The following NEK11 variants were observed in gnomAD, a reference collection of about 807,000 sequenced individuals.
The protein encoded by NEK11 is serine/threonine-protein kinase Nek11.
A neutral mutation model predicts 80.7 loss-of-function variants in NEK11; 72 were observed. The ratio of observed to expected loss-of-function variants is 0.89; its 90% confidence interval spans 0.74 to 1.08. The LOEUF is 1.08. NEK11 is among the 50% of genes least tolerant of loss of function. The probability of loss-of-function intolerance (pLI) is 0.00; values close to 1 mark genes in which losing one functional copy is unlikely to be tolerated. For missense variants in NEK11, 764 were observed against 763.6 expected (o/e 1.00, Z -0.01); for synonymous variants, 251 against 260.7 (o/e 0.96, Z 0.36).
intron 4 of NEK11, among the ~76,000 whole-genome samples, chr3:131,105,223 AAAAC>A (rs1560424029): frequency 6.8e-6 from 1 of 147,104 alleles, no homozygotes; most frequent in Non-Finnish European, 1.5e-5. Flanking sequence ...AGGTAAAAAC[AAAAC>A]AAACAAACAA....
intron 3 of NEK11, among the ~76,000 whole-genome samples, chr3:131,076,615 G>A (rs542658643): frequency 2.0e-5 from 3 of 152,152 alleles, no homozygotes; most frequent in Admixed American, 1.3e-4. Flanking sequence ...AAAGTTACTC[G>A]TTTGTCTAAG....
intron 11 of NEK11, among the ~76,000 whole-genome samples, chr3:131,164,825 A>G (rs1249617719): frequency 1.3e-5 from 2 of 152,236 alleles, no homozygotes; most frequent in African/African-American, 4.8e-5. Flanking sequence ...TACCCGTTTT[A>G]GAGACAAGGG....
intron 5 of NEK11, among the ~76,000 whole-genome samples, chr3:131,125,460 A>G (rs1485348371): frequency 6.6e-6 from 1 of 152,174 alleles, no homozygotes; most frequent in East Asian, 1.9e-4. Context: ...TCATTTACTG[A>G]GAGAGATATT....
intron 16 of NEK11, among the ~76,000 whole-genome samples, chr3:131,272,463 CTTTTTTTTTTTTTT>C (rs869304359): frequency 1.6e-4 from 7 of 43,900 alleles, no homozygotes; most frequent in Middle Eastern, 0.067. Context: ...GTTTTAGCTT[CTTTTTTTTTTTTTT>C]TTTTTTTTTT....
At chr3:131,127,479 AAT>A (rs1204576689) in intron 5 of NEK11, among the ~76,000 whole-genome samples, 1 of 150,584 alleles carries the variant, frequency 6.6e-6, no homozygotes, top group Non-Finnish European at 1.5e-5. Flanking sequence ...TGCATATAAA[AAT>A]ATATATATAT....
chr3:131,186,841 A>G (rs922436367), intron 14 of NEK11, among the ~76,000 whole-genome samples: 3 of 152,270 alleles, frequency 2.0e-5, no homozygotes, highest in East Asian at 1.9e-4. Flanking sequence ...GCTTATTTTA[A>G]TGTAATCCTC....
At chr3:131,165,349 A>G (rs1388655287) in intron 11 of NEK11, 77 bp from the exon 12 acceptor site, 1 of 884,742 alleles carries the variant, frequency 1.1e-6, no homozygotes, top group Non-Finnish European at 1.8e-6. Context: ...TGAAATAAGG[A>G]TCACACTCAT....
chr3:131,112,723 A>G (rs1445656732), intron 5 of NEK11, among the ~76,000 whole-genome samples: 1 of 152,192 alleles, frequency 6.6e-6, no homozygotes, highest in Non-Finnish European at 1.5e-5. Flanking sequence ...TTCAAGTATG[A>G]TGAAAAATGG....
At chr3:131,349,482 T>C in intron 17 of NEK11, 75 bp from the exon 18 acceptor site, 4 of 1,252,826 alleles carry the variant, frequency 3.2e-6, no homozygotes, top group Non-Finnish European at 4.5e-6. Flanking sequence ...GTAAAATCAA[T>C]GATTTAAAAG....
intron 17 of NEK11, among the ~76,000 whole-genome samples, chr3:131,277,805 C>T (rs2096322968): frequency 6.6e-6 from 1 of 152,198 alleles, no homozygotes; most frequent in Non-Finnish European, 1.5e-5. Context: ...CTCTTTGGGC[C>T]TCAGATTTCT....
At chr3:131,332,776 G>A (rs1405732943) in intron 17 of NEK11, among the ~76,000 whole-genome samples, 2 of 152,208 alleles carry the variant, frequency 1.3e-5, no homozygotes, top group Non-Finnish European at 2.9e-5. Context: ...GCTTAAAGGA[G>A]CTGATGGAGC....
At chr3:131,122,365 C>T (rs2082532506) in intron 5 of NEK11, among the ~76,000 whole-genome samples, 1 of 152,166 alleles carries the variant, frequency 6.6e-6, no homozygotes, top group Non-Finnish European at 1.5e-5. Context: ...GTAACCTCAC[C>T]CCTGAGCCAG....
chr3:131,313,790 C>T (rs1355140195), intron 17 of NEK11, among the ~76,000 whole-genome samples: 3 of 152,286 alleles, frequency 2.0e-5, no homozygotes, highest in African/African-American at 7.2e-5. Flanking sequence ...ACTGCTTTTA[C>T]AACAGTAGCA....
rs778488536 is a variant in NEK11 at position 131,243,493 on chromosome 3, C to T, written c.1618C>T (p.Leu540=). The change falls in exon 16 of 18, where the codon CTA becomes TTA. Residue 540 remains leucine, a synonymous_variant. Coordinates refer to ENST00000383366, the MANE Select transcript of NEK11 (RefSeq NM_024800.5). ...GGAAAATGTCCTGGGTTGCACTTCTCTAGGTGAGTAAGTTCCTTTAGGCTT... is the reference window on the plus strand; with the variant it reads ...GGAAAATGTCCTGGGTTGCACTTCTTTAGGTGAGTAAGTTCCTTTAGGCTT... ...CLENVLGCTS[L]DTKTITTMAE... 6.2e-6 allele frequency: 10 copies of T among 1,611,856 alleles called. No individual in the cohort carries two copies. Among genetic ancestry groups the T allele is most frequent in the Non-Finnish European group, 8.5e-6 (10 of 1,178,390 alleles).
At chr3:131,117,412 T>G (rs1295432197) in intron 5 of NEK11, among the ~76,000 whole-genome samples, 4 of 152,232 alleles carry the variant, frequency 2.6e-5, no homozygotes, top group Non-Finnish European at 5.9e-5. Flanking sequence ...GGTTGTGTGA[T>G]GCCTCGAGCT....
chr3:131,254,173 C>T (rs904128345), intron 16 of NEK11, among the ~76,000 whole-genome samples: 1 of 152,134 alleles, frequency 6.6e-6, no homozygotes, highest in Non-Finnish European at 1.5e-5. Flanking sequence ...TAATGGAAAA[C>T]AGATATTGTG....
chr3:131,210,643 T>G (rs111754330), intron 14 of NEK11, among the ~76,000 whole-genome samples: 4,807 of 152,204 alleles, frequency 0.032, 120 homozygotes, highest in African/African-American at 0.067. Context: ...CTTGCTTTAT[T>G]AATCTGGGTT....
At chr3:131,115,196 C>A (rs1378324996) in intron 5 of NEK11, among the ~76,000 whole-genome samples, 1 of 152,168 alleles carries the variant, frequency 6.6e-6, no homozygotes, top group African/African-American at 2.4e-5. Context: ...GTTCCTGCCT[C>A]ACTACTTAAG....
intron 17 of NEK11, chr3:131,330,064 T>C (rs974990246): frequency 2.0e-5 from 3 of 152,084 alleles, no homozygotes; most frequent in Admixed American, 1.3e-4. Context: ...GACAGAGTAG[T>C]AGTGGAAATG....
Sources: gnomAD v4.1 joint callset for allele counts (sites outside exome capture counted in the v4.1 genomes callset) on GRCh38, gnomAD v4.1.1 for gene constraint, MANE v1.5 for transcripts, NCBI Gene and HGNC (gene_info 2026-07-23, HGNC 2026-07-21) for gene names.